The following TIPIN variants were observed in gnomAD, a reference collection of about 807,000 sequenced individuals.
The protein encoded by TIPIN is TIMELESS-interacting protein.
A neutral mutation model predicts 35.6 loss-of-function variants in TIPIN; 29 were observed. The observed-to-expected ratio is 0.82, with a 90% CI of 0.61 to 1.11. The LOEUF is 1.11. Among genes scored for constraint, TIPIN ranks in the 50% most tolerant of loss-of-function variants. The pLI is 0.00. For synonymous variants in TIPIN, 102 were observed against 121.5 expected (o/e 0.84, Z 1.06); for missense variants, 296 against 345.4 (o/e 0.86, Z 1.13).
At chr15:66,342,062 T>C (rs931575502) in intron 6 of TIPIN, among the ~76,000 whole-genome samples, 3 of 151,842 alleles carry the variant, frequency 2.0e-5, no homozygotes, top group African/African-American at 7.3e-5. Context: ...CGCATGCCTA[T>C]AATCCCAGCT....
chr15:66,356,698 C>A (rs2093206481), upstream of TIPIN: 1 of 985,396 alleles, frequency 1.0e-6, no homozygotes, highest in African/African-American at 1.7e-5. Context: ...GCGCGCTTCT[C>A]GCGATACTCG....
At chr15:66,338,813 C>CA (rs35966273) in intron 7 of TIPIN, among the ~76,000 whole-genome samples, 2,226 of 34,660 alleles carry the variant, frequency 0.064, 258 homozygotes, top group African/African-American at 0.24. Flanking sequence ...GACTCCGTCT[C>CA]AAAAAAAAAA....
intron 1 of TIPIN, among the ~76,000 whole-genome samples, chr15:66,365,572 A>G (rs960280640): frequency 6.6e-6 from 1 of 152,018 alleles, no homozygotes; most frequent in African/African-American, 2.4e-5. Flanking sequence ...GTTGAGACGG[A>G]GTTTAGCTCT....
At chr15:66,346,103 C>T (rs1261981163) in intron 6 of TIPIN, among the ~76,000 whole-genome samples, 5 of 151,982 alleles carry the variant, frequency 3.3e-5, no homozygotes, top group Admixed American at 2.0e-4. Flanking sequence ...TGTGCCACTA[C>T]GCCAGGCTAA....
intron 6 of TIPIN, among the ~76,000 whole-genome samples, chr15:66,346,671 C>A (rs2093128063): frequency 6.6e-6 from 1 of 152,176 alleles, no homozygotes; most frequent in Admixed American, 6.5e-5. Flanking sequence ...CAAAAAGTAA[C>A]CCAGTAGTAT....
chr15:66,360,687 C>T (rs1465209931), upstream of TIPIN, among the ~76,000 whole-genome samples: 1 of 152,018 alleles, frequency 6.6e-6, no homozygotes, highest in Admixed American at 6.6e-5. Flanking sequence ...AAAATTAGGC[C>T]TGATGCAGGT....
chr15:66,340,250 T>C (rs922595175), intron 7 of TIPIN, among the ~76,000 whole-genome samples: 2 of 134,558 alleles, frequency 1.5e-5, no homozygotes, highest in African/African-American at 5.7e-5. Flanking sequence ...TGATCTCAGC[T>C]CACTGCAACC....
intron 1 of TIPIN, chr15:66,382,812 A>G (rs377736424): frequency 1.8e-5 from 8 of 443,102 alleles, no homozygotes; most frequent in East Asian, 1.6e-4. Context: ...AACCAAATAT[A>G]TATGTTACAG....
upstream of TIPIN, among the ~76,000 whole-genome samples, chr15:66,358,203 GA>G (rs1211987368): frequency 1.3e-5 from 2 of 152,106 alleles, no homozygotes; most frequent in Non-Finnish European, 2.9e-5. Context: ...CACAACCTCA[GA>G]AAAATATATA....
At chr15:66,376,976 T>G (rs1397074445) in intron 1 of TIPIN, among the ~76,000 whole-genome samples, 1 of 151,292 alleles carries the variant, frequency 6.6e-6, no homozygotes. Flanking sequence ...GGCATGGTGG[T>G]GGGCACCTGT....
At chr15:66,383,665 T>C (rs570537190) in intron 1 of TIPIN, 1 of 797,110 alleles carries the variant, frequency 1.3e-6, no homozygotes, top group South Asian at 5.7e-5. Flanking sequence ...CATGCATACA[T>C]TTACATCTAT....
chr15:66,358,933 A>G (rs1244620583), upstream of TIPIN, among the ~76,000 whole-genome samples: 1 of 151,690 alleles, frequency 6.6e-6, no homozygotes, highest in Non-Finnish European at 1.5e-5. Flanking sequence ...AATCCTAGCT[A>G]CTCGGGAGGC....
At chr15:66,351,641 CTTTT>C in intron 3 of TIPIN, 41 bp from the exon 4 acceptor site, 6 of 1,091,956 alleles carry the variant, frequency 5.5e-6, no homozygotes, top group Non-Finnish European at 7.7e-6. Context: ...GTTTTATTTT[CTTTT>C]TTTTTTTTTT....
chr15:66,351,977 C>A, intron 3 of TIPIN, 152 bp downstream of exon 3: 1 of 638,600 alleles, frequency 1.6e-6, no homozygotes, highest in Admixed American at 3.5e-5. Context: ...AAAGCAAGAC[C>A]ATAAGAAAAA....
chr15:66,345,761 T>C (rs2093120581), intron 6 of TIPIN, among the ~76,000 whole-genome samples: 1 of 152,102 alleles, frequency 6.6e-6, no homozygotes, highest in African/African-American at 2.4e-5. Flanking sequence ...GTAAATGTAT[T>C]TAATCAACAA....
chr15:66,343,884 C>G (rs11853025), intron 6 of TIPIN, among the ~76,000 whole-genome samples: 150,122 of 152,122 alleles, frequency 0.99, 74,101 homozygotes, highest in East Asian at 1. Flanking sequence ...TGTAATCCCA[C>G]CTACTCAGGA....
intron 7 of TIPIN, among the ~76,000 whole-genome samples, 165 bp downstream of exon 7, chr15:66,340,985 C>T (rs62627325): frequency 0.012 from 1,886 of 152,216 alleles, 32 homozygotes; most frequent in African/African-American, 0.041. Context: ...CAGCCATTCT[C>T]TCTCTCCTCT....
chr15:66,371,463 A>G (rs149177469), intron 1 of TIPIN: 111 of 809,412 alleles, frequency 1.4e-4, no homozygotes, highest in African/African-American at 1.3e-3. Context: ...ATTTTCTGGG[A>G]AAAAAAAAGT....
At chr15:66,340,666 G>A (rs1385015738) in intron 7 of TIPIN, among the ~76,000 whole-genome samples, 1 of 151,332 alleles carries the variant, frequency 6.6e-6, no homozygotes, top group Non-Finnish European at 1.5e-5. Context: ...GCACGATCTT[G>A]GCTCACTGCA....
Sources: gnomAD v4.1 joint callset for allele counts (sites outside exome capture counted in the v4.1 genomes callset) on GRCh38, gnomAD v4.1.1 for gene constraint, MANE v1.5 for transcripts, NCBI Gene and HGNC (gene_info 2026-07-23, HGNC 2026-07-21) for gene names.